Variants in TAFA1 observed in about 807,000 individuals in gnomAD.
The protein encoded by TAFA1 is TAFA chemokine like family member 1.
In TAFA1, 4 loss-of-function variants were observed where a neutral mutation model predicts 18.5. The observed-to-expected ratio is 0.22, with a 90% confidence interval of 0.11 to 0.49. TAFA1 has a LOEUF of 0.49. Among genes scored for constraint, TAFA1 ranks in the 20% least tolerant of loss-of-function variants. TAFA1 has a pLI of 0.98. For synonymous variants in TAFA1, 56 were observed against 55.2 expected, an observed-to-expected ratio of 1.01 and a Z score of -0.06; for missense variants, 147 against 169.0, an observed-to-expected ratio of 0.87 and a Z score of 0.72.
intron 3 of TAFA1, among the ~76,000 whole-genome samples, chr3:68,476,662 T>TG (rs2072102814): frequency 6.6e-6 from 1 of 152,192 alleles, no homozygotes; most frequent in African/African-American, 2.4e-5. Flanking sequence ...TGCTGTGACC[T>TG]GGGGCCACAC....
intron 2 of TAFA1, among the ~76,000 whole-genome samples, chr3:68,229,694 A>G (rs2066846688): frequency 6.6e-6 from 1 of 152,184 alleles, no homozygotes; most frequent in South Asian, 2.1e-4. Context: ...TTAAATTGTG[A>G]TCATTGTCAT....
At chr3:68,366,170 T>A (rs575534410) in intron 2 of TAFA1, among the ~76,000 whole-genome samples, 1 of 150,942 alleles carries the variant, frequency 6.6e-6, no homozygotes, top group Non-Finnish European at 1.5e-5. Context: ...ACCGCCCCCA[T>A]GATTCAGTTA....
intron 2 of TAFA1, among the ~76,000 whole-genome samples, chr3:68,240,440 C>T (rs145740415): frequency 4.5e-4 from 68 of 152,246 alleles, no homozygotes; most frequent in African/African-American, 1.6e-3. Context: ...GGAGCACAAA[C>T]GAGGGCAGAG....
At chr3:68,061,414 G>A (rs1020533878) in intron 2 of TAFA1, among the ~76,000 whole-genome samples, 37 of 152,172 alleles carry the variant, frequency 2.4e-4, no homozygotes, top group Non-Finnish European at 4.9e-4. Flanking sequence ...AAAGGAGACC[G>A]AGTGCATTCA....
intron 2 of TAFA1, among the ~76,000 whole-genome samples, chr3:68,380,341 A>C (rs564084260): frequency 2.0e-5 from 3 of 152,310 alleles, no homozygotes; most frequent in Admixed American, 2.0e-4. Flanking sequence ...AGGAATTGGC[A>C]CACCGACTTC....
chr3:68,258,293 A>C (rs1275246063), intron 2 of TAFA1, among the ~76,000 whole-genome samples: 1 of 152,128 alleles, frequency 6.6e-6, no homozygotes, highest in African/African-American at 2.4e-5. Context: ...TTTTCCTTTA[A>C]ATGGCTACAT....
chr3:68,393,990 C>A (rs2070321517), intron 2 of TAFA1, among the ~76,000 whole-genome samples: 1 of 151,878 alleles, frequency 6.6e-6, no homozygotes, highest in Admixed American at 6.6e-5. Context: ...TCCTATTCAA[C>A]ATAGTATTGG....
chr3:68,349,694 A>G (rs1449164210), intron 2 of TAFA1, among the ~76,000 whole-genome samples: 3 of 152,272 alleles, frequency 2.0e-5, no homozygotes, highest in Non-Finnish European at 4.4e-5. Flanking sequence ...GAAAGCAACC[A>G]TAAGCAATAT....
At chr3:68,268,807 T>C (rs750159300) in intron 2 of TAFA1, among the ~76,000 whole-genome samples, 1 of 152,078 alleles carries the variant, frequency 6.6e-6, no homozygotes, top group Non-Finnish European at 1.5e-5. Context: ...AAGAAACCAG[T>C]CAGTTGGGTA....
intron 2 of TAFA1, among the ~76,000 whole-genome samples, chr3:68,169,170 T>A (rs998603037): frequency 6.6e-6 from 1 of 152,188 alleles, no homozygotes; most frequent in Non-Finnish European, 1.5e-5. Flanking sequence ...ATATGCCAAA[T>A]GTGATGATGT....
At chr3:68,539,551 T>G (rs1324403027) in intron 4 of TAFA1, among the ~76,000 whole-genome samples, 1 of 151,794 alleles carries the variant, frequency 6.6e-6, no homozygotes, top group Non-Finnish European at 1.5e-5. Flanking sequence ...TCCGGATGCT[T>G]AAGATAGTAA....
chr3:68,077,866 T>C (rs2064847022), intron 2 of TAFA1, among the ~76,000 whole-genome samples: 1 of 152,072 alleles, frequency 6.6e-6, no homozygotes, highest in Non-Finnish European at 1.5e-5. Context: ...GGTAGCTTGA[T>C]GGGGATGGCA....
intron 2 of TAFA1, among the ~76,000 whole-genome samples, chr3:68,008,770 T>G (rs1704414189): frequency 6.6e-6 from 1 of 151,940 alleles, no homozygotes; most frequent in East Asian, 1.9e-4. Context: ...TTCTGAGAGG[T>G]GGCCATGGCA....
chr3:68,373,280 T>C (rs919355347), intron 2 of TAFA1, among the ~76,000 whole-genome samples: 1 of 152,222 alleles, frequency 6.6e-6, no homozygotes, highest in Non-Finnish European at 1.5e-5. Flanking sequence ...TTTCTTATTT[T>C]TTAATTCTAT....
chr3:68,213,299 T>G (rs2066617287), intron 2 of TAFA1, among the ~76,000 whole-genome samples: 1 of 152,094 alleles, frequency 6.6e-6, no homozygotes, highest in African/African-American at 2.4e-5. Context: ...ATTTAAGACA[T>G]AGCACCCAGA....
intron 3 of TAFA1, among the ~76,000 whole-genome samples, chr3:68,428,370 A>C (rs571511479): frequency 1.3e-4 from 19 of 151,960 alleles, no homozygotes; most frequent in African/African-American, 4.3e-4. Flanking sequence ...CCTTCAAGTG[A>C]AGACCATCCA....
At chr3:68,515,348 T>C (rs948032337) in intron 3 of TAFA1, among the ~76,000 whole-genome samples, 1 of 152,200 alleles carries the variant, frequency 6.6e-6, no homozygotes, top group Non-Finnish European at 1.5e-5. Flanking sequence ...GGAATCATAG[T>C]TCTCAAGGAG....
At chr3:68,084,970 C>T (rs2064953717) in intron 2 of TAFA1, among the ~76,000 whole-genome samples, 1 of 152,070 alleles carries the variant, frequency 6.6e-6, no homozygotes, top group African/African-American at 2.4e-5. Flanking sequence ...TACTTTCCTC[C>T]CCATTGTAAT....
chr3:68,214,103 T>C (rs183277834), intron 2 of TAFA1, among the ~76,000 whole-genome samples: 1 of 152,204 alleles, frequency 6.6e-6, no homozygotes, highest in East Asian at 1.9e-4. Context: ...CACATTAGTA[T>C]TGGTTTCTTG....
Sources: allele counts gnomAD v4.1 joint callset (sites outside exome capture counted in the v4.1 genomes callset), GRCh38; gene constraint gnomAD v4.1.1; transcripts MANE v1.5; gene names NCBI Gene and HGNC (gene_info 2026-07-23, HGNC 2026-07-21).